UGP2: variants seen among roughly 807,000 people sequenced by gnomAD.
The protein encoded by UGP2 is UDP-glucose pyrophosphorylase 2.
In UGP2, 40 loss-of-function variants were observed where a neutral mutation model predicts 49.0. That is an observed-to-expected ratio of 0.82 (90% CI 0.63 to 1.06). UGP2 has a LOEUF of 1.06. Among genes scored for constraint, UGP2 ranks in the 50% least tolerant of loss-of-function variants. UGP2 has a pLI of 0.00. For synonymous variants in UGP2, 225 were observed against 213.0 expected (o/e 1.06, Z -0.49); for missense variants, 460 against 603.5 (o/e 0.76, Z 2.49).
Position 63,887,613 on chromosome 2 carries a change from C to G in UGP2, c.1283C>G (p.Pro428Arg). The change falls in exon 8 of 10, where the codon CCC becomes CGC. Residue 428 changes from proline (P) to arginine (R), a missense_variant. By Grantham distance (103) the Pro-to-Arg change is moderately radical. Transcript: ENST00000337130. ...GAAAAGCGGGAATTTCCTACAGTGC[C>G]CTTGGTTAAATTAGGCAGTTCTTTT... ...MSEKREFPTV[P>R]LVKLGSSFTK... is the part of the protein sequence containing the mutation. 1 of 1,614,034 alleles carries G rather than the reference C, an allele frequency of 6.2e-7. No individual in the cohort carries two copies. Among genetic ancestry groups the G allele is most frequent in the Non-Finnish European group, 8.5e-7 (1 of 1,180,002 alleles).
intron 1 of UGP2, 123 bp from the exon 2 acceptor site, chr2:63,856,183 A>T (rs773755422): frequency 8.0e-7 from 1 of 1,243,210 alleles, no homozygotes; most frequent in Non-Finnish European, 1.1e-6. Context: ...CTGCCACAGG[A>T]TAAAGGGACC....
At chr2:63,855,520 G>GTTTTTTTTTTTTTTTTTTTTTTTCT (rs372160888) in intron 1 of UGP2, 10 of 194,312 alleles carry the variant, frequency 5.1e-5, no homozygotes, top group Non-Finnish European at 7.9e-5. Flanking sequence ...TTCTTTTTCT[G>GTTTTTTTTTTTTTTTTTTTTTTTCT]TTTTTTTTTT....
intron 1 of UGP2, chr2:63,855,371 A>G (rs756279097): frequency 1.7e-5 from 8 of 458,650 alleles, no homozygotes; most frequent in Middle Eastern, 3.7e-4. Context: ...ATCAAATACT[A>G]AGGATAGAAG....
At chr2:63,876,926 A>C (rs1327238884) in intron 3 of UGP2, among the ~76,000 whole-genome samples, 1 of 152,254 alleles carries the variant, frequency 6.6e-6, no homozygotes, top group Non-Finnish European at 1.5e-5. Context: ...AACCTTGGGG[A>C]TATTCGAGTT....
At chr2:63,882,433 T>G in intron 3 of UGP2, 33 bp from the exon 4 acceptor site, 1 of 1,503,422 alleles carries the variant, frequency 6.7e-7, no homozygotes, top group Admixed American at 1.9e-5. Flanking sequence ...TAAAGCTGTT[T>G]AAATTACTCC....
chr2:63,887,090 C>G (rs1036199925), intron 7 of UGP2, among the ~76,000 whole-genome samples: 2 of 151,906 alleles, frequency 1.3e-5, no homozygotes, highest in African/African-American at 4.8e-5. Context: ...ATAGTGAAAC[C>G]CCATCTCTAC....
chr2:63,889,863 T>A (rs1479982623), intron 8 of UGP2: 11 of 454,586 alleles, frequency 2.4e-5, no homozygotes, highest in Non-Finnish European at 3.9e-5. Flanking sequence ...AACTATCTTG[T>A]AAATTGCTTG....
intron 9 of UGP2, among the ~76,000 whole-genome samples, chr2:63,890,662 A>G (rs887137104): frequency 1.3e-5 from 2 of 152,232 alleles, no homozygotes; most frequent in Non-Finnish European, 2.9e-5. Flanking sequence ...GATCTTGAAA[A>G]AACAAATACA....
intron 6 of UGP2, 68 bp downstream of exon 6, chr2:63,885,954 CTT>C (rs1050946592): frequency 3.0e-5 from 44 of 1,460,856 alleles, no homozygotes; most frequent in Non-Finnish European, 3.9e-5. Context: ...AAGTTAAAGA[CTT>C]TTTTATTTGA....
At chr2:63,872,131 C>T (rs1670597144) in intron 3 of UGP2, among the ~76,000 whole-genome samples, 1 of 152,222 alleles carries the variant, frequency 6.6e-6, no homozygotes, top group Non-Finnish European at 1.5e-5. Flanking sequence ...CATCCTCAGG[C>T]TACACATGAC....
In UGP2 at chr2:63,884,025, A is replaced by C. The variant is rs747928875; in HGVS notation, c.507A>C (p.Glu169Asp). ...LVLMNSFNTD[E>D]DTKKILQKYN... ...TAATGAACTCTTTTAACACGGATGA[A>C]GATACCAAAAAAATACTACAGAAGT... Residue 169 changes from glutamate (E) to aspartate (D), a missense_variant, in exon 5 of 10, where the codon GAA (glutamate) becomes GAC (aspartate). Physicochemically the swap from Glu to Asp is conservative, Grantham distance 45. Around this residue, in one of 2 missense-constraint regions of UGP2, gnomAD observed 317 missense variants for 473.0 expected, o/e 0.67. Coordinates refer to ENST00000337130, the MANE Select transcript of UGP2 (RefSeq NM_006759.4). The C allele has an allele frequency of 1.2e-6, 2 of 1,613,448 alleles. No individual in the cohort carries two copies. The highest frequency in any genetic ancestry group is 1.7e-6 in the Non-Finnish European group (2 of 1,179,902).
chr2:63,856,486 T>G (rs1435496730), intron 2 of UGP2, 53 bp downstream of exon 2: 1 of 1,502,978 alleles, frequency 6.7e-7, no homozygotes, highest in African/African-American at 1.4e-5. Context: ...TCATCTGTCT[T>G]CATGCTGAGT....
chr2:63,854,691 CAG>C (rs1482110707), intron 1 of UGP2, among the ~76,000 whole-genome samples: 4 of 152,138 alleles, frequency 2.6e-5, no homozygotes, highest in Non-Finnish European at 5.9e-5. Context: ...TCACTAAAAA[CAG>C]AGCTTTTAGA....
chr2:63,862,725 T>G (rs1669934286), intron 3 of UGP2: 2 of 439,548 alleles, frequency 4.6e-6, no homozygotes, highest in Non-Finnish European at 9.1e-6. Flanking sequence ...TGGGTTTAGG[T>G]GGTAATACTA....
intron 9 of UGP2, 151 bp from the exon 10 acceptor site, chr2:63,890,969 A>G (rs1672100522): frequency 3.8e-6 from 2 of 528,718 alleles, no homozygotes; most frequent in African/African-American, 3.9e-5. Context: ...AATTTTCCTT[A>G]ACTGTTATTT....
rs1672130179 is a variant in UGP2 at position 63,891,193 on chromosome 2, T to C, written c.1493T>C (p.Ile498Thr). The C allele has an allele frequency of 6.2e-7, 1 of 1,613,800 alleles. No individual in the cohort carries two copies. The highest frequency in any genetic ancestry group is 8.5e-7 in the Non-Finnish European group (1 of 1,179,870). The part of the protein sequence containing the change: ...IPPGAVLENK[I>T]VSGNLRILDH ...CCTGGAGCAGTATTAGAGAACAAGA[T>C]TGTGTCTGGAAACCTTCGCATCTTG... The change falls in exon 10 of 10, where the codon ATT becomes ACT. Residue 498 changes from isoleucine (I) to threonine (T), a missense_variant. Around this residue, in one of 2 missense-constraint regions of UGP2, gnomAD observed 317 missense variants for 473.0 expected, o/e 0.67. Coordinates refer to ENST00000337130, the MANE Select transcript of UGP2 (RefSeq NM_006759.4).
chr2:63,858,318 A>T (rs1017499452), intron 3 of UGP2, among the ~76,000 whole-genome samples: 5 of 152,212 alleles, frequency 3.3e-5, no homozygotes, highest in Non-Finnish European at 5.9e-5. Context: ...CAGACCTTAA[A>T]GCTCTCTTCT....
Position 63,857,956 on chromosome 2 carries a change from T to C in UGP2, c.255+20T>C, listed in dbSNP as rs765983073. ...GATTCGGTAAGTTTTAGATAAAATG[T>C]AGGAAAATGTAGGGTAATCTTGGGC... On this transcript the variant is annotated intron_variant, in intron 3 of 9. Coordinates refer to ENST00000337130, the MANE Select transcript of UGP2 (RefSeq NM_006759.4). The C allele has an allele frequency of 1.2e-5, 19 of 1,606,890 alleles. No individual in the cohort carries two copies. Among genetic ancestry groups the C allele is most frequent in the Non-Finnish European group, 1.6e-5 (19 of 1,174,706 alleles).
chr2:63,854,481 T>C (rs980092324), intron 1 of UGP2, among the ~76,000 whole-genome samples: 2 of 152,234 alleles, frequency 1.3e-5, no homozygotes, highest in Non-Finnish European at 2.9e-5. Flanking sequence ...GTACTACTTT[T>C]CCTACCAGAA....
Sources: allele counts gnomAD v4.1 joint callset (sites outside exome capture counted in the v4.1 genomes callset), GRCh38; gene constraint gnomAD v4.1.1; regional missense constraint gnomAD v4.1.1; transcripts MANE v1.5; gene names NCBI Gene and HGNC (gene_info 2026-07-23, HGNC 2026-07-21).